Variants in ITGA2 observed in about 807,000 individuals in gnomAD.
ITGA2 encodes integrin subunit alpha 2.
ITGA2 carries 101 observed loss-of-function variants against 146.3 expected under a neutral mutation model. The observed-to-expected ratio is 0.69, with a 90% CI of 0.59 to 0.81. The LOEUF (loss-of-function observed/expected upper bound fraction) is 0.81. Among genes scored for constraint, ITGA2 ranks in the 40% least tolerant of loss-of-function variants. The pLI is 0.00. For synonymous variants in ITGA2, 477 were observed against 487.1 expected (o/e 0.98, Z 0.27); for missense variants, 1,281 against 1,402.7 (o/e 0.91, Z 1.39).
chr5:53,009,443 G>A (rs998667230), intron 1 of ITGA2, among the ~76,000 whole-genome samples: 8 of 152,122 alleles, frequency 5.3e-5, no homozygotes, highest in Non-Finnish European at 1.2e-4. Flanking sequence ...TTATACAGCG[G>A]CAGAATATTT....
chr5:53,069,919 A>G (rs1403107499), intron 16 of ITGA2, among the ~76,000 whole-genome samples, 190 bp from the exon 17 acceptor site: 3 of 151,860 alleles, frequency 2.0e-5, no homozygotes, highest in African/African-American at 7.2e-5. Context: ...ACAGTCACCT[A>G]CGTCACATCA....
At chr5:53,072,278 T>C (rs1745433475) in intron 18 of ITGA2, among the ~76,000 whole-genome samples, 1 of 151,876 alleles carries the variant, frequency 6.6e-6, no homozygotes, top group African/African-American at 2.4e-5. Context: ...GCCTGGCCCA[T>C]TGTATGTGTT....
intron 2 of ITGA2, among the ~76,000 whole-genome samples, chr5:53,027,475 T>C (rs1029268330): frequency 6.6e-6 from 1 of 152,246 alleles, no homozygotes; most frequent in Non-Finnish European, 1.5e-5. Flanking sequence ...TTTCAAACCA[T>C]GGCTTTTCTA....
intron 21 of ITGA2, 89 bp downstream of exon 21, chr5:53,074,566 T>C: frequency 9.9e-7 from 1 of 1,010,984 alleles, no homozygotes. Flanking sequence ...TATCATGATT[T>C]GATAGGCATC....
intron 28 of ITGA2, among the ~76,000 whole-genome samples, chr5:53,089,716 G>A (rs1468046871): frequency 1.3e-5 from 2 of 152,240 alleles, no homozygotes; most frequent in African/African-American, 4.8e-5. Flanking sequence ...AGACACTGAT[G>A]TAGTTAAAGC....
At chr5:53,022,324 C>T (rs1337871367) in intron 1 of ITGA2, among the ~76,000 whole-genome samples, 3 of 151,910 alleles carry the variant, frequency 2.0e-5, no homozygotes, top group South Asian at 4.2e-4. Context: ...CTGTCTTAGA[C>T]GGCCATTGAG....
intron 16 of ITGA2, among the ~76,000 whole-genome samples, chr5:53,068,926 C>A (rs1745265369): frequency 6.7e-6 from 1 of 148,462 alleles, no homozygotes; most frequent in Non-Finnish European, 1.5e-5. Context: ...ACTGCACTCA[C>A]CTCCTTGCCA....
intron 21 of ITGA2, among the ~76,000 whole-genome samples, chr5:53,074,844 C>A (rs149071019): frequency 2.0e-5 from 3 of 151,954 alleles, no homozygotes; most frequent in African/African-American, 7.2e-5. Flanking sequence ...GGATAACTTA[C>A]ATGTGTCACT....
chr5:53,026,933 A>C (rs1742980580), intron 2 of ITGA2, 65 bp downstream of exon 2: 2 of 1,452,840 alleles, frequency 1.4e-6, no homozygotes, highest in Non-Finnish European at 1.9e-6. Flanking sequence ...TTTGACTTCA[A>C]TTGCTTTTTC....
At chr5:53,005,946 A>G (rs868297779) in intron 1 of ITGA2, among the ~76,000 whole-genome samples, 1 of 152,126 alleles carries the variant, frequency 6.6e-6, no homozygotes, top group Non-Finnish European at 1.5e-5. Flanking sequence ...GCTGTACATC[A>G]CAAACTAACA....
At chr5:53,087,970 G>A (rs1025073216) in intron 28 of ITGA2, among the ~76,000 whole-genome samples, 2 of 152,170 alleles carry the variant, frequency 1.3e-5, no homozygotes, top group Non-Finnish European at 2.9e-5. Flanking sequence ...CACAGCACTG[G>A]AGCCCCACTC....
intron 1 of ITGA2, among the ~76,000 whole-genome samples, chr5:53,021,953 A>G (rs1742702544): frequency 6.6e-6 from 1 of 152,114 alleles, no homozygotes; most frequent in South Asian, 2.1e-4. Flanking sequence ...CCCTTCTATG[A>G]AAAACCCATC....
At chr5:53,041,803 T>G (rs1432019731) in intron 2 of ITGA2, among the ~76,000 whole-genome samples, 2 of 152,340 alleles carry the variant, frequency 1.3e-5, no homozygotes, top group East Asian at 3.9e-4. Flanking sequence ...TTTTATGTTC[T>G]TAATGTAGCT....
rs1459858461 is a variant in ITGA2 at position 53,090,927 on chromosome 5, T to A, written c.*328T>A. ...TGAAATGCTTCCAAGCATGACAACT[T>A]TTAAAGAAAAATATGATACTCTCAG... is the stretch of plus-strand genomic sequence containing the variant. On this transcript the variant is annotated 3_prime_UTR_variant, in exon 30 of 30. Coordinates refer to ENST00000296585, the MANE Select transcript of ITGA2 (RefSeq NM_002203.4). The A allele has an allele frequency of 1.8e-6, 1 of 546,420 alleles. No individual in the cohort carries two copies. Among genetic ancestry groups the A allele is most frequent in the African/African-American group, 1.9e-5 (1 of 53,074 alleles). 33.8% of individuals were successfully genotyped at this position (546,420 alleles called of 1,614,324 possible). A position where few individuals can be genotyped will look rare whatever the true frequency, so the allele number is the denominator to read the frequency against.
At position 53,056,058 on chromosome 5, in the gene ITGA2, T is replaced by A. The variant is rs754814540; in HGVS notation, c.1005T>A (p.Ile335=). ...AAGAAATAAAAGCAATCGCTAGTAT[T>A]CCAACAGAAAGATACTTTTTCAATG... is the stretch of plus-strand genomic sequence containing the variant. The part of the protein sequence containing the change: ...LIKEIKAIAS[I]PTERYFFNVS... The change falls in exon 9 of 30, where the codon ATT becomes ATA. Residue 335 remains isoleucine (I), a synonymous_variant. Coordinates refer to ENST00000296585, the MANE Select transcript of ITGA2 (RefSeq NM_002203.4). The A allele has an allele frequency of 1.2e-6, 2 of 1,611,336 alleles. No individual in the cohort carries two copies. The highest frequency in any genetic ancestry group is 2.2e-5 in the South Asian group (2 of 90,762).
intron 11 of ITGA2, 33 bp from the exon 12 acceptor site, chr5:53,060,868 A>G (rs1401579994): frequency 2.5e-6 from 4 of 1,606,212 alleles, no homozygotes; most frequent in Non-Finnish European, 3.4e-6. Flanking sequence ...CAGATAGTCA[A>G]TGTTAATCAC....
Position 53,073,118 on chromosome 5 carries a change from A to C in ITGA2, c.2430A>C (p.Gln810His). Residue 810 changes from glutamine to histidine, a missense_variant and splice_region_variant, in exon 20 of 30, where the codon CAA becomes CAC. This residue lies in a region of ITGA2 where 475 missense variants were observed against 530.5 expected (regional missense o/e 0.90). Coordinates refer to ENST00000296585, the MANE Select transcript of ITGA2 (RefSeq NM_002203.4). Reference sequence around the variant, plus strand: ...CCCCCCTCCTTTTTACTTTTAACAGAGAACAACCCTTTATTGTCAGCAACC... The same window carrying C: ...CCCCCCTCCTTTTTACTTTTAACAGCGAACAACCCTTTATTGTCAGCAACC... ...VLDVRQIPAA[Q>H]EQPFIVSNQN... The C allele has an allele frequency of 6.2e-7, 1 of 1,611,882 alleles. No individual in the cohort carries two copies. Among genetic ancestry groups the C allele is most frequent in the Non-Finnish European group, 8.5e-7 (1 of 1,178,646 alleles).
Position 53,074,567 on chromosome 5 carries a change from G to T in ITGA2, c.2664+90G>T, listed in dbSNP as rs533819718. 3.0e-4 allele frequency: 301 copies of T among 1,001,692 alleles called. 2 individuals carry two copies. The South Asian group carries it at 3.9e-3, about 13-fold the overall frequency. The allele number at this position is 1,001,692 out of a possible 1,614,324, so 62.1% of individuals were successfully genotyped here. A position where few individuals can be genotyped will look rare whatever the true frequency, so the allele number is the denominator to read the frequency against. Reference sequence around the variant, plus strand: ...ACATAACATCTTGCTATCATGATTTGATAGGCATCACAAAATAACTAGCTG... The same window carrying T: ...ACATAACATCTTGCTATCATGATTTTATAGGCATCACAAAATAACTAGCTG... On this transcript the variant is annotated intron_variant, in intron 21 of 29. Coordinates refer to ENST00000296585, the MANE Select transcript of ITGA2 (RefSeq NM_002203.4).
intron 1 of ITGA2, among the ~76,000 whole-genome samples, chr5:52,991,558 T>C (rs1424633585): frequency 6.6e-6 from 1 of 152,232 alleles, no homozygotes; most frequent in Admixed American, 6.5e-5. Context: ...AACCTGTTCC[T>C]TGAGTATACA....
Sources: allele counts gnomAD v4.1 joint callset (sites outside exome capture counted in the v4.1 genomes callset), GRCh38; gene constraint gnomAD v4.1.1; regional missense constraint gnomAD v4.1.1; transcripts MANE v1.5; gene names NCBI Gene and HGNC (gene_info 2026-07-23, HGNC 2026-07-21).